Variants in ADGRB3 observed in about 807,000 individuals in gnomAD.
The protein encoded by ADGRB3 is adhesion G protein-coupled receptor B3.
In ADGRB3, 37 loss-of-function variants were observed where a neutral mutation model predicts 193.4. The observed-to-expected ratio is 0.19, with a 90% CI of 0.15 to 0.25. ADGRB3 has a LOEUF of 0.25. Among genes scored for constraint, ADGRB3 ranks in the 10% least tolerant of loss-of-function variants. The pLI is 1.00. For synonymous variants in ADGRB3, 690 were observed against 644.2 expected (o/e 1.07, Z -1.08); for missense variants, 1,637 against 1,852.9 (o/e 0.88, Z 2.14).
chr6:69,095,262 TA>T (rs1472893033), intron 17 of ADGRB3, among the ~76,000 whole-genome samples: 3 of 152,184 alleles, frequency 2.0e-5, no homozygotes, highest in Non-Finnish European at 4.4e-5. Flanking sequence ...TTGAAATTTC[TA>T]ATTGTTTTGA....
chr6:69,071,165 C>T (rs1012630373), intron 16 of ADGRB3, among the ~76,000 whole-genome samples: 4 of 152,188 alleles, frequency 2.6e-5, no homozygotes, highest in Non-Finnish European at 5.9e-5. Flanking sequence ...TTGTTGTGAT[C>T]ATCTGCCTGC....
At chr6:68,884,754 G>A (rs1374589538) in intron 3 of ADGRB3, among the ~76,000 whole-genome samples, 2 of 152,130 alleles carry the variant, frequency 1.3e-5, no homozygotes, top group Non-Finnish European at 2.9e-5. Context: ...CTGAATGGGT[G>A]AGAGGTTTGG....
rs1287218799 is a variant in ADGRB3, at chr6:69,181,367, T to TA, written c.2481-51916dup. On this transcript the variant is annotated intron_variant, in intron 17 of 31. Transcript: ENST00000370598. ...TTTCCTCATAATATTCTTATTTTTT[T>TA]AAAAAAATACATTATTCCAGTCAGA... 3.3e-5 allele frequency among the ~76,000 whole-genome samples: 5 copies of TA among 152,178 alleles called. No individual in the cohort carries two copies. In the East Asian group the frequency reaches 5.8e-4, roughly 18 times the overall value.
intron 3 of ADGRB3, among the ~76,000 whole-genome samples, chr6:68,714,377 G>A (rs910221276): frequency 7.3e-5 from 11 of 150,938 alleles, no homozygotes; most frequent in African/African-American, 2.7e-4. Flanking sequence ...ATTTTTTTTT[G>A]TCACCATATG....
intron 17 of ADGRB3, among the ~76,000 whole-genome samples, chr6:69,124,887 T>A (rs1162852713): frequency 5.3e-5 from 1 of 18,778 alleles, no homozygotes; most frequent in Non-Finnish European, 1.5e-4. Flanking sequence ...AGTTTTGCCA[T>A]TTTTTTTTTC....
chr6:69,155,920 C>G (rs944045690), intron 17 of ADGRB3, among the ~76,000 whole-genome samples: 1 of 152,046 alleles, frequency 6.6e-6, no homozygotes, highest in African/African-American at 2.4e-5. Flanking sequence ...TTCACTGATA[C>G]AGCAATATGA....
chr6:69,121,271 C>T (rs1343403154), intron 17 of ADGRB3, among the ~76,000 whole-genome samples: 3 of 152,070 alleles, frequency 2.0e-5, no homozygotes, highest in Admixed American at 6.5e-5. Context: ...GCCCTTAATC[C>T]ATTTAACCCT....
At chr6:68,896,810 C>T (rs1381436098) in intron 3 of ADGRB3, among the ~76,000 whole-genome samples, 5 of 152,132 alleles carry the variant, frequency 3.3e-5, no homozygotes, top group Admixed American at 2.6e-4. Context: ...GGCTAGACAC[C>T]TTCATTCTGT....
intron 3 of ADGRB3, among the ~76,000 whole-genome samples, chr6:68,701,149 A>C (rs144016531): frequency 1.5e-5 from 2 of 132,158 alleles, no homozygotes; most frequent in Admixed American, 7.5e-5. Flanking sequence ...AGAATAATCA[A>C]TGAAAGTTGC....
chr6:69,049,574 A>G (rs184387540), intron 15 of ADGRB3, among the ~76,000 whole-genome samples: 1 of 152,310 alleles, frequency 6.6e-6, no homozygotes, highest in African/African-American at 2.4e-5. Flanking sequence ...TTCTTTTGTA[A>G]CTGATAATGC....
At chr6:69,076,481 T>C (rs1772236479) in intron 17 of ADGRB3, among the ~76,000 whole-genome samples, 1 of 152,122 alleles carries the variant, frequency 6.6e-6, no homozygotes, top group Non-Finnish European at 1.5e-5. Flanking sequence ...CCCTCCAAAT[T>C]GTTTTGTGAT....
intron 3 of ADGRB3, among the ~76,000 whole-genome samples, chr6:68,761,822 A>G (rs1562019171): frequency 6.9e-6 from 1 of 144,426 alleles, no homozygotes; most frequent in East Asian, 1.9e-4. Context: ...GTAATTGAAA[A>G]TGGAAAATGG....
chr6:68,651,572 G>A (rs1239996029), intron 3 of ADGRB3, among the ~76,000 whole-genome samples: 1 of 152,150 alleles, frequency 6.6e-6, no homozygotes, highest in Non-Finnish European at 1.5e-5. Context: ...AGCAGTGGGA[G>A]TTTAGGAGAG....
chr6:68,674,385 A>G (rs149945335), intron 3 of ADGRB3, among the ~76,000 whole-genome samples: 16 of 152,354 alleles, frequency 1.1e-4, no homozygotes, highest in African/African-American at 3.6e-4. Flanking sequence ...TAAAAATATT[A>G]TACATTAAAA....
At chr6:69,135,405 T>C (rs1378344533) in intron 17 of ADGRB3, among the ~76,000 whole-genome samples, 1 of 151,978 alleles carries the variant, frequency 6.6e-6, no homozygotes, top group East Asian at 1.9e-4. Context: ...ATGTCCTCTA[T>C]AAGCTAATTT....
At chr6:68,897,029 T>C (rs1215600890) in intron 3 of ADGRB3, among the ~76,000 whole-genome samples, 3 of 152,114 alleles carry the variant, frequency 2.0e-5, no homozygotes, top group Admixed American at 2.0e-4. Flanking sequence ...CTCAGTCCTA[T>C]TGTAGTCATG....
chr6:68,807,399 C>T (rs2127373980), intron 3 of ADGRB3, among the ~76,000 whole-genome samples: 1 of 151,742 alleles, frequency 6.6e-6, no homozygotes, highest in African/African-American at 2.4e-5. Flanking sequence ...CCACCTTGCC[C>T]GGGTAATTTT....
At chr6:68,714,169 T>C (rs1456571163) in intron 3 of ADGRB3, among the ~76,000 whole-genome samples, 1 of 151,768 alleles carries the variant, frequency 6.6e-6, no homozygotes, top group Non-Finnish European at 1.5e-5. Flanking sequence ...GCCTTTGTGG[T>C]ATTAATTTGT....
chr6:68,638,208 A>G (rs1285701574), intron 2 of ADGRB3, among the ~76,000 whole-genome samples: 1 of 152,234 alleles, frequency 6.6e-6, no homozygotes, highest in African/African-American at 2.4e-5. Context: ...TTCCCAGATT[A>G]TCAGATTAGA....
Sources: allele counts gnomAD v4.1 joint callset (sites outside exome capture counted in the v4.1 genomes callset), GRCh38; gene constraint gnomAD v4.1.1; transcripts MANE v1.5; gene names NCBI Gene and HGNC (gene_info 2026-07-23, HGNC 2026-07-21).